The following PDK1 variants were observed in gnomAD, a reference collection of about 807,000 sequenced individuals.
PDK1 encodes [Pyruvate dehydrogenase (acetyl-transferring)] kinase isozyme 1, mitochondrial.
A neutral mutation model predicts 54.2 loss-of-function variants in PDK1; 39 were observed. The ratio of observed to expected loss-of-function variants is 0.72; its 90% confidence interval spans 0.56 to 0.94. PDK1 has a LOEUF of 0.94. PDK1 is among the 40% of genes least tolerant of loss of function. The pLI is 0.00. For missense variants in PDK1, 552 were observed against 566.0 expected (o/e 0.98, Z 0.25); for synonymous variants, 221 against 207.1 (o/e 1.07, Z -0.58).
chr2:172,562,822 A>G (rs760264089), intron 3 of PDK1: 1 of 1,608,826 alleles, frequency 6.2e-7, no homozygotes, highest in South Asian at 1.1e-5. Context: ...GACAATGTTA[A>G]TAACCCATAT....
In PDK1 at chr2:172,606,123, A is replaced by G. The variant is rs1691285130; in HGVS notation, c.*10154A>G. On this transcript the variant is annotated 3_prime_UTR_variant, in exon 11 of 11. Transcript: ENST00000282077. Reference sequence around the variant, plus strand: ...CTATGACCAAATGGGTCAGTCGTTGATCAGGCTTCATGAGAATATGATCGC... The same window carrying G: ...CTATGACCAAATGGGTCAGTCGTTGGTCAGGCTTCATGAGAATATGATCGC... The G allele has an allele frequency of 6.6e-6, 1 of 152,214 alleles. No homozygotes were observed. The allele number at this position is 152,214 out of a possible 1,614,324, so 9.4% of individuals were successfully genotyped here.
At chr2:172,571,448 T>G (rs1334509684) in intron 8 of PDK1, among the ~76,000 whole-genome samples, 2 of 152,192 alleles carry the variant, frequency 1.3e-5, no homozygotes, top group East Asian at 1.9e-4. Flanking sequence ...ACTGTGACCT[T>G]GAACTCCTGG....
intron 7 of PDK1, among the ~76,000 whole-genome samples, chr2:172,569,156 A>C (rs1051703355): frequency 2.0e-5 from 3 of 152,262 alleles, no homozygotes; most frequent in Non-Finnish European, 4.4e-5. Context: ...TATTGGGAAT[A>C]ACATACTAAG....
intron 8 of PDK1, among the ~76,000 whole-genome samples, chr2:172,579,625 GACA>G (rs1384971682): frequency 7.4e-5 from 11 of 148,826 alleles, no homozygotes; most frequent in African/African-American, 2.5e-4. Flanking sequence ...TTTTTGAGAA[GACA>G]ACGTTTATTA....
chr2:172,624,191 A>G, the PDK1 span, among the ~76,000 whole-genome samples: 1 of 152,118 alleles, frequency 6.6e-6, no homozygotes, highest in Non-Finnish European at 1.5e-5. Flanking sequence ...ATCCTTTTGC[A>G]GGGATTATTA....
At chr2:172,571,823 C>CTTTTTTTTTT (rs36031428) in intron 8 of PDK1, among the ~76,000 whole-genome samples, 3 of 99,786 alleles carry the variant, frequency 3.0e-5, no homozygotes, top group African/African-American at 3.9e-5. Flanking sequence ...TCTTTCTTTA[C>CTTTTTTTTTT]TTTTTTTTTT....
At chr2:172,720,097 TC>T in the PDK1 span, among the ~76,000 whole-genome samples, 279 of 104,274 alleles carry the variant, frequency 2.7e-3, 1 homozygote, top group Admixed American at 2.1e-3. Flanking sequence ...AAAGAGCTTT[TC>T]TCTCTCTCTC....
chr2:172,585,352 G>A (rs1436125419), intron 8 of PDK1, among the ~76,000 whole-genome samples: 1 of 124,222 alleles, frequency 8.1e-6, no homozygotes, highest in East Asian at 2.4e-4. Flanking sequence ...TTGAGAAGGA[G>A]TCTTGCTCTG....
At position 172,600,838 on chromosome 2, in the gene PDK1, A is replaced by T. The variant is rs558591285; in HGVS notation, c.*4869A>T. 1 of 152,040 alleles carries T rather than the reference A, an allele frequency of 6.6e-6. No homozygotes were observed. Among genetic ancestry groups the T allele is most frequent in the Admixed American group, 6.5e-5 (1 of 15,270 alleles). 9.4% of individuals were successfully genotyped at this position (152,040 alleles called of 1,614,324 possible). ...ACATAGGCTCTTAGACTCTTATTCT[A>T]TGTTGTCTTCGTCCAGCTTATCTGG... On this transcript the variant is annotated 3_prime_UTR_variant, in exon 11 of 11. Transcript: ENST00000282077.
At chr2:172,632,713 G>A in the PDK1 span, among the ~76,000 whole-genome samples, 109,351 of 151,780 alleles carry the variant, frequency 0.72, 39,723 homozygotes, top group Non-Finnish European at 0.77. Flanking sequence ...CGGGCACGGT[G>A]GCTCACGCCT....
intron 5 of PDK1, among the ~76,000 whole-genome samples, chr2:172,565,939 A>G (rs1027790578): frequency 6.6e-6 from 1 of 152,164 alleles, no homozygotes; most frequent in African/African-American, 2.4e-5. Flanking sequence ...TTCTGTTACC[A>G]CCAATACCAG....
At chr2:172,622,903 AT>A in the PDK1 span, among the ~76,000 whole-genome samples, 1 of 148,214 alleles carries the variant, frequency 6.7e-6, no homozygotes, top group Non-Finnish European at 1.5e-5. Flanking sequence ...GTAATATAAT[AT>A]AATATATGTT....
chr2:172,703,364 G>A, the PDK1 span, among the ~76,000 whole-genome samples: 2 of 152,168 alleles, frequency 1.3e-5, no homozygotes, highest in South Asian at 2.1e-4. Context: ...TTAAGCCACC[G>A]AGTTTCTAGT....
intron 6 of PDK1, 65 bp from the exon 7 acceptor site, chr2:172,568,676 T>C: frequency 1.0e-6 from 1 of 986,540 alleles, no homozygotes; most frequent in Non-Finnish European, 1.6e-6. Context: ...ACTACACAGT[T>C]TATTCTTAAA....
At position 172,606,763 on chromosome 2, in the gene PDK1, A is replaced by C. The variant is rs981003438; in HGVS notation, c.*10794A>C. 1 of 149,460 alleles carries C rather than the reference A, an allele frequency of 6.7e-6. No individual in the cohort carries two copies. Among genetic ancestry groups the C allele is most frequent in the South Asian group, 2.1e-4 (1 of 4,696 alleles). 9.3% of individuals were successfully genotyped at this position (149,460 alleles called of 1,614,324 possible). A position where few individuals can be genotyped will look rare whatever the true frequency, so the allele number is the denominator to read the frequency against. The stretch of plus-strand genomic sequence containing the variant: ...TTAAAAAAAAAAAAAAACCTTTTTC[A>C]TGTTGAAGTTCACATGACCTACAAC... On this transcript the variant is annotated 3_prime_UTR_variant, in exon 11 of 11. Coordinates refer to ENST00000282077, the MANE Select transcript of PDK1 (RefSeq NM_002610.5).
At chr2:172,556,684 T>A in intron 1 of PDK1, 3 of 225,034 alleles carry the variant, frequency 1.3e-5, no homozygotes, top group Non-Finnish European at 2.6e-5. Context: ...AGGCCGAGCG[T>A]GGGCACCCCC....
the PDK1 span, among the ~76,000 whole-genome samples, chr2:172,630,812 TAGAGATGGG>T: frequency 7.2e-5 from 11 of 152,124 alleles, no homozygotes; most frequent in Non-Finnish European, 1.6e-4. Context: ...TATTTTTTGG[TAGAGATGGG>T]GTTTTGCCAT....
chr2:172,573,536 TATAC>T (rs899695636), intron 8 of PDK1, among the ~76,000 whole-genome samples: 32 of 151,674 alleles, frequency 2.1e-4, no homozygotes, highest in Non-Finnish European at 3.1e-4. Context: ...CATATACATA[TATAC>T]ATACATATGT....
At chr2:172,582,555 T>C (rs563901876) in intron 8 of PDK1, among the ~76,000 whole-genome samples, 19 of 152,360 alleles carry the variant, frequency 1.2e-4, no homozygotes, top group African/African-American at 4.3e-4. Flanking sequence ...CCTGTTGACA[T>C]TACTTATCTC....
Sources: allele counts gnomAD v4.1 joint callset (sites outside exome capture counted in the v4.1 genomes callset), GRCh38; gene constraint gnomAD v4.1.1; transcripts MANE v1.5; gene names NCBI Gene and HGNC (gene_info 2026-07-23, HGNC 2026-07-21).